Variants in LRRC7 observed in about 807,000 individuals in gnomAD.
LRRC7 encodes leucine-rich repeat-containing protein 7.
In LRRC7, 23 loss-of-function variants were observed where a neutral mutation model predicts 175.7. That is an observed-to-expected ratio of 0.13 (90% confidence interval 0.09 to 0.19). The LOEUF is 0.19. Among genes scored for constraint, LRRC7 ranks in the 10% least tolerant of loss-of-function variants. The pLI is 1.00. For missense variants in LRRC7, 1,354 were observed against 1,904.7 expected (o/e 0.71, Z 5.38); for synonymous variants, 685 against 680.9 (o/e 1.01, Z -0.09).
chr1:70,065,438 G>A (rs1661896087), intron 23 of LRRC7, among the ~76,000 whole-genome samples: 1 of 151,862 alleles, frequency 6.6e-6, no homozygotes, highest in African/African-American at 2.4e-5. Context: ...CACAGTGCCT[G>A]TTATGTAAGT....
At chr1:70,018,670 T>C (rs745452098) in intron 14 of LRRC7, 49 bp from the exon 15 acceptor site, 3 of 1,305,794 alleles carry the variant, frequency 2.3e-6, no homozygotes, top group Non-Finnish European at 3.3e-6. Context: ...TATTGACTGT[T>C]ATATATTTGC....
chr1:69,705,208 A>G (rs1339660225), intron 2 of LRRC7, among the ~76,000 whole-genome samples: 1 of 152,104 alleles, frequency 6.6e-6, no homozygotes, highest in Non-Finnish European at 1.5e-5. Flanking sequence ...TTTCACTACA[A>G]TTACTTGGCT....
At chr1:69,912,549 C>T (rs1392333412) in intron 7 of LRRC7, among the ~76,000 whole-genome samples, 1 of 152,070 alleles carries the variant, frequency 6.6e-6, no homozygotes, top group Non-Finnish European at 1.5e-5. Context: ...CAGAGTAGCC[C>T]CCCACCCTCA....
At chr1:70,034,907 G>T (rs1000741742) in intron 18 of LRRC7, among the ~76,000 whole-genome samples, 4 of 152,142 alleles carry the variant, frequency 2.6e-5, no homozygotes, top group African/African-American at 9.7e-5. Flanking sequence ...ACCAAGATGT[G>T]CTTCTCTGCA....
At chr1:69,874,665 T>C (rs1205780685) in intron 7 of LRRC7, 1 of 152,144 alleles carries the variant, frequency 6.6e-6, no homozygotes, top group Non-Finnish European at 1.5e-5. Flanking sequence ...AACTGAAATG[T>C]ACTTTATTGA....
chr1:69,722,290 C>G (rs1386788671), intron 2 of LRRC7, among the ~76,000 whole-genome samples: 1 of 151,988 alleles, frequency 6.6e-6, no homozygotes, highest in Non-Finnish European at 1.5e-5. Flanking sequence ...CAGCTCCTTA[C>G]TGTCGTACAT....
At chr1:69,783,753 C>CAAA (rs10712087) in intron 3 of LRRC7, among the ~76,000 whole-genome samples, 103 of 84,636 alleles carry the variant, frequency 1.2e-3, no homozygotes, top group East Asian at 3.9e-3. Context: ...CTCCCCATCT[C>CAAA]AAAAAAAAAA....
chr1:70,004,286 T>C (rs1291511121), intron 11 of LRRC7, among the ~76,000 whole-genome samples: 1 of 152,138 alleles, frequency 6.6e-6, no homozygotes, highest in African/African-American at 2.4e-5. Flanking sequence ...CTGACTAAAG[T>C]TTGCAAATTT....
At chr1:69,791,768 T>G (rs573447474) in intron 3 of LRRC7, among the ~76,000 whole-genome samples, 1 of 151,998 alleles carries the variant, frequency 6.6e-6, no homozygotes, top group African/African-American at 2.4e-5. Flanking sequence ...CAGTGGGGGA[T>G]TCAGTGGTAA....
chr1:69,669,829 G>A (rs1658807907), intron 1 of LRRC7, among the ~76,000 whole-genome samples: 1 of 151,714 alleles, frequency 6.6e-6, no homozygotes, highest in African/African-American at 2.4e-5. Context: ...TGTTTTTTCT[G>A]CTTGATCAAC....
intron 3 of LRRC7, among the ~76,000 whole-genome samples, chr1:69,789,627 C>A (rs1674881592): frequency 6.6e-6 from 1 of 152,062 alleles, no homozygotes; most frequent in South Asian, 2.1e-4. Flanking sequence ...AGTTCCCAAT[C>A]CAGTGAACTA....
At chr1:69,702,894 C>T (rs1008937425) in intron 2 of LRRC7, among the ~76,000 whole-genome samples, 1 of 151,944 alleles carries the variant, frequency 6.6e-6, no homozygotes, top group African/African-American at 2.4e-5. Flanking sequence ...TAATCAATAG[C>T]AGTCAGGAAA....
At chr1:69,587,721 A>G (rs775919563) in intron 1 of LRRC7, among the ~76,000 whole-genome samples, 1 of 152,034 alleles carries the variant, frequency 6.6e-6, no homozygotes, top group Non-Finnish European at 1.5e-5. Flanking sequence ...AGTTCTTGTG[A>G]TAGTTCTTGG....
At chr1:69,982,035 G>C (rs1022184157) in intron 9 of LRRC7, among the ~76,000 whole-genome samples, 3 of 152,264 alleles carry the variant, frequency 2.0e-5, no homozygotes, top group South Asian at 2.1e-4. Flanking sequence ...GCTCCCAAAG[G>C]CTCTCTATGG....
chr1:69,990,499 C>T (rs1406973366), intron 10 of LRRC7, among the ~76,000 whole-genome samples: 1 of 151,752 alleles, frequency 6.6e-6, no homozygotes, highest in Non-Finnish European at 1.5e-5. Context: ...ATAATTAGTG[C>T]CTGTAAAGAG....
At chr1:69,856,900 A>C (rs1353692361) in intron 7 of LRRC7, among the ~76,000 whole-genome samples, 1 of 152,180 alleles carries the variant, frequency 6.6e-6, no homozygotes, top group East Asian at 1.9e-4. Context: ...CAGCACATCA[A>C]AAAGCTTATC....
intron 18 of LRRC7, among the ~76,000 whole-genome samples, chr1:70,034,532 A>T (rs1056513310): frequency 6.6e-6 from 1 of 152,148 alleles, no homozygotes; most frequent in Non-Finnish European, 1.5e-5. Flanking sequence ...CAACTACTGA[A>T]TTTTCCATTC....
At chr1:69,884,733 T>C (rs888450831) in intron 7 of LRRC7, among the ~76,000 whole-genome samples, 1 of 146,450 alleles carries the variant, frequency 6.8e-6, no homozygotes, top group Admixed American at 6.7e-5. Context: ...GCCCATTCAG[T>C]ATGATATTGG....
At chr1:69,895,936 G>A (rs545105857) in intron 7 of LRRC7, among the ~76,000 whole-genome samples, 46 of 152,264 alleles carry the variant, frequency 3.0e-4, no homozygotes, top group South Asian at 6.2e-4. Flanking sequence ...AAAAGAAGCC[G>A]CAAAGATAAT....
Sources: allele counts gnomAD v4.1 joint callset (sites outside exome capture counted in the v4.1 genomes callset), GRCh38; gene constraint gnomAD v4.1.1; transcripts MANE v1.5; gene names NCBI Gene and HGNC (gene_info 2026-07-23, HGNC 2026-07-21).